The following ARHGAP15 variants were observed in gnomAD, a reference collection of about 807,000 sequenced individuals.
ARHGAP15 encodes Rho GTPase activating protein 15.
ARHGAP15 carries 51 observed loss-of-function variants against 63.7 expected under a neutral mutation model. The ratio of observed to expected loss-of-function variants is 0.80; its 90% CI spans 0.64 to 1.01. The LOEUF (loss-of-function observed/expected upper bound fraction) is 1.01, where lower values mean the gene tolerates loss of function less well. Ranked by LOEUF, ARHGAP15 falls within the 50% of genes least tolerant of loss-of-function variation. ARHGAP15 has a pLI of 0.00. For missense variants in ARHGAP15, 560 were observed against 564.6 expected, an observed-to-expected ratio of 0.99 and a Z score of 0.08; for synonymous variants, 191 against 193.8, an observed-to-expected ratio of 0.99 and a Z score of 0.12.
At chr2:143,245,249 GT>G (rs1464847014) in intron 5 of ARHGAP15, among the ~76,000 whole-genome samples, 1 of 152,174 alleles carries the variant, frequency 6.6e-6, no homozygotes, top group African/African-American at 2.4e-5. Flanking sequence ...CATTTAGAAA[GT>G]GGGAAGAGGA....
intron 6 of ARHGAP15, among the ~76,000 whole-genome samples, chr2:143,427,707 T>C (rs1689193875): frequency 6.6e-6 from 1 of 152,116 alleles, no homozygotes; most frequent in Non-Finnish European, 1.5e-5. Context: ...TAGGACTTGC[T>C]GACTGCTGGG....
chr2:143,320,766 A>G (rs1464423089), intron 6 of ARHGAP15, among the ~76,000 whole-genome samples: 3 of 152,034 alleles, frequency 2.0e-5, no homozygotes, highest in African/African-American at 7.2e-5. Flanking sequence ...TTAGAGAGGG[A>G]GGTTAATGGA....
intron 8 of ARHGAP15, among the ~76,000 whole-genome samples, chr2:143,438,064 T>G (rs535092537): frequency 3.9e-5 from 6 of 152,220 alleles, no homozygotes; most frequent in African/African-American, 1.4e-4. Flanking sequence ...AGAAAACCTA[T>G]TTCCCAAAGT....
chr2:143,500,851 C>G (rs2104932862), intron 9 of ARHGAP15, among the ~76,000 whole-genome samples: 1 of 152,264 alleles, frequency 6.6e-6, no homozygotes, highest in Non-Finnish European at 1.5e-5. Flanking sequence ...AGAGAAATTT[C>G]ATTCTCTTTC....
chr2:143,367,085 A>G lies in ARHGAP15; in HGVS notation c.475-68516A>G, dbSNP rs555702871. Among the ~76,000 whole-genome samples, 90 of 152,230 alleles carry G rather than the reference A, an allele frequency of 5.9e-4. 2 individuals carry two copies. In the South Asian group the frequency reaches 0.011, roughly 19 times the overall value. On this transcript the variant is annotated intron_variant, in intron 6 of 13. Coordinates refer to ENST00000295095, the MANE Select transcript of ARHGAP15 (RefSeq NM_018460.4). ...ACTTTTGTTTTAAATAGAATGAAAC[A>G]TGTAAAAGAAAACTTCTTCAATTGA...
chr2:143,668,619 C>T (rs896118791), intron 12 of ARHGAP15, among the ~76,000 whole-genome samples: 16 of 152,170 alleles, frequency 1.1e-4, no homozygotes, highest in African/African-American at 3.1e-4. Context: ...GCCTACATGA[C>T]CATCTCAGTC....
intron 8 of ARHGAP15, among the ~76,000 whole-genome samples, chr2:143,465,194 C>T (rs961475152): frequency 6.6e-6 from 1 of 152,012 alleles, no homozygotes; most frequent in African/African-American, 2.4e-5. Context: ...TTTAATGAGC[C>T]TCAGCCAAAG....
intron 13 of ARHGAP15, among the ~76,000 whole-genome samples, chr2:143,765,417 T>C (rs1056646620): frequency 5.3e-5 from 8 of 152,180 alleles, no homozygotes; most frequent in African/African-American, 1.9e-4. Context: ...TAGCTTCTTA[T>C]GTTCCAAAAG....
At chr2:143,502,175 G>A (rs754224806) in intron 9 of ARHGAP15, among the ~76,000 whole-genome samples, 1 of 152,112 alleles carries the variant, frequency 6.6e-6, no homozygotes, top group Non-Finnish European at 1.5e-5. Flanking sequence ...TTGGGAGGCT[G>A]AGGCGAGTGG....
At chr2:143,269,870 G>A (rs2105045924) in intron 6 of ARHGAP15, among the ~76,000 whole-genome samples, 1 of 152,190 alleles carries the variant, frequency 6.6e-6, no homozygotes, top group Middle Eastern at 3.4e-3. Context: ...TTACATGCAA[G>A]TATCAGTACC....
chr2:143,364,385 A>G (rs918716820), intron 6 of ARHGAP15, among the ~76,000 whole-genome samples: 28 of 152,130 alleles, frequency 1.8e-4, no homozygotes, highest in African/African-American at 6.3e-4. Flanking sequence ...TTTAGGATTC[A>G]TTTAGGAGTG....
At chr2:143,650,790 C>T (rs1279082456) in intron 12 of ARHGAP15, among the ~76,000 whole-genome samples, 4 of 151,838 alleles carry the variant, frequency 2.6e-5, no homozygotes, top group East Asian at 3.9e-4. Flanking sequence ...TAACATACCT[C>T]GCTATTTGGT....
At chr2:143,308,405 G>C (rs1683275915) in intron 6 of ARHGAP15, among the ~76,000 whole-genome samples, 1 of 151,914 alleles carries the variant, frequency 6.6e-6, no homozygotes. Context: ...GCAAGTGACT[G>C]ACCCTGTCCA....
chr2:143,714,381 T>C (rs1684717258), intron 13 of ARHGAP15, among the ~76,000 whole-genome samples: 1 of 152,182 alleles, frequency 6.6e-6, no homozygotes. Flanking sequence ...ATGAAACCAC[T>C]GTTTCCTCCT....
chr2:143,359,445 T>C (rs969319449), intron 6 of ARHGAP15, among the ~76,000 whole-genome samples: 3 of 152,214 alleles, frequency 2.0e-5, no homozygotes, highest in Non-Finnish European at 4.4e-5. Flanking sequence ...TTGAAAAATA[T>C]TGTCACTCTT....
At chr2:143,311,574 G>A (rs1683450568) in intron 6 of ARHGAP15, among the ~76,000 whole-genome samples, 1 of 152,000 alleles carries the variant, frequency 6.6e-6, no homozygotes, top group African/African-American at 2.4e-5. Context: ...CCTTAGCTCC[G>A]TTAAAACCCA....
chr2:143,490,077 G>A (rs977568331), intron 9 of ARHGAP15, among the ~76,000 whole-genome samples: 25 of 152,150 alleles, frequency 1.6e-4, no homozygotes, highest in African/African-American at 5.8e-4. Flanking sequence ...TCGGCTCACT[G>A]CAAGCTCTGC....
intron 6 of ARHGAP15, among the ~76,000 whole-genome samples, chr2:143,388,810 A>G (rs919188206): frequency 1.3e-5 from 2 of 152,166 alleles, no homozygotes; most frequent in African/African-American, 4.8e-5. Context: ...TAACAATCAG[A>G]ATCTTCACAA....
At chr2:143,635,871 T>A (rs1420293549) in intron 12 of ARHGAP15, among the ~76,000 whole-genome samples, 1 of 152,120 alleles carries the variant, frequency 6.6e-6, no homozygotes, top group African/African-American at 2.4e-5. Flanking sequence ...ATAAAAAAAT[T>A]ATATTGGATA....
Sources: allele counts gnomAD v4.1 joint callset (sites outside exome capture counted in the v4.1 genomes callset), GRCh38; gene constraint gnomAD v4.1.1; transcripts MANE v1.5; gene names NCBI Gene and HGNC (gene_info 2026-07-23, HGNC 2026-07-21).